Variants in ENPEP observed in about 807,000 individuals in gnomAD.
ENPEP encodes glutamyl aminopeptidase.
A neutral mutation model predicts 114.5 loss-of-function variants in ENPEP; 103 were observed. That is an observed-to-expected ratio of 0.90 (90% CI 0.77 to 1.06). The LOEUF is 1.06. ENPEP is among the 50% of genes least tolerant of loss of function. The pLI is 0.00. For missense variants in ENPEP, 1,196 were observed against 1,161.3 expected, an observed-to-expected ratio of 1.03 and a Z score of -0.43; for synonymous variants, 420 against 422.0, an observed-to-expected ratio of 1.00 and a Z score of 0.06.
rs921559869 is a variant in ENPEP at position 110,562,482 on chromosome 4, A to G, written c.*924A>G. The G allele has an allele frequency of 6.6e-6, 1 of 152,162 alleles. No individual in the cohort carries two copies. The highest frequency in any genetic ancestry group is 6.6e-5 in the Admixed American group (1 of 15,256). 9.4% of individuals were successfully genotyped at this position (152,162 alleles called of 1,614,324 possible). Reference sequence around the variant, plus strand: ...GAGAGAAGGCAGATTATTTCTTAAAACTAAATGGAATTAGAATTTAGCTTT... The same window carrying G: ...GAGAGAAGGCAGATTATTTCTTAAAGCTAAATGGAATTAGAATTTAGCTTT... On this transcript the variant is annotated 3_prime_UTR_variant, in exon 20 of 20. Transcript: ENST00000265162.
intron 8 of ENPEP, 103 bp downstream of exon 8, chr4:110,515,545 C>A: frequency 1.1e-6 from 1 of 952,190 alleles, no homozygotes; most frequent in Non-Finnish European, 1.6e-6. Flanking sequence ...CCTTTTTAAT[C>A]TCTTTACTGA....
intron 10 of ENPEP, 51 bp downstream of exon 10, chr4:110,520,417 TG>T: frequency 6.3e-7 from 1 of 1,577,252 alleles, no homozygotes. Flanking sequence ...GCAGAAATAT[TG>T]GTAATTTGTT....
intron 7 of ENPEP, 47 bp from the exon 8 acceptor site, chr4:110,515,330 T>G: frequency 2.7e-6 from 4 of 1,477,792 alleles, no homozygotes; most frequent in Non-Finnish European, 3.8e-6. Context: ...TCATTGTTCC[T>G]TACATAGCCT....
At chr4:110,489,754 C>T (rs757516284) in intron 2 of ENPEP, among the ~76,000 whole-genome samples, 21 of 152,086 alleles carry the variant, frequency 1.4e-4, no homozygotes, top group East Asian at 5.8e-4. Flanking sequence ...TTTACACATT[C>T]GACATGTAAA....
At chr4:110,477,638 G>T (rs777598195) in intron 1 of ENPEP, among the ~76,000 whole-genome samples, 5 of 151,990 alleles carry the variant, frequency 3.3e-5, no homozygotes, top group Non-Finnish European at 7.4e-5. Flanking sequence ...TTCTGTCTCC[G>T]ATGGCCAGGA....
In ENPEP at chr4:110,506,738, T is replaced by G. The variant is rs1201436475; in HGVS notation, c.1020T>G (p.Asn340Lys). Residue 340 changes from asparagine (N) to lysine (K), a missense_variant, in exon 4 of 20, where the codon AAT becomes AAG. Transcript: ENST00000265162. ...ATTTTGAAGAATACTTTGCTATGAA[T>G]TATTCTCTTCCTAAATTAGGTGAGG... ...FDYFEEYFAMNYSLPKLDKIA... is the reference protein window; with the variant it reads ...FDYFEEYFAMKYSLPKLDKIA... 2 of 1,589,064 alleles carry G rather than the reference T, an allele frequency of 1.3e-6. No individual in the cohort carries two copies. Among genetic ancestry groups the G allele is most frequent in the Admixed American group, 3.4e-5 (2 of 58,950 alleles).
At chr4:110,513,306 TAAGTC>T in intron 6 of ENPEP, 104 bp from the exon 7 acceptor site, 1 of 1,259,886 alleles carries the variant, frequency 7.9e-7, no homozygotes, top group Non-Finnish European at 1.1e-6. Flanking sequence ...TTAAGTAACT[TAAGTC>T]ATTTATATTT....
At chr4:110,488,934 A>G (rs1724602406) in intron 2 of ENPEP, among the ~76,000 whole-genome samples, 1 of 152,226 alleles carries the variant, frequency 6.6e-6, no homozygotes, top group South Asian at 2.1e-4. Context: ...CACACACATC[A>G]GCTTGGGCTC....
intron 10 of ENPEP, among the ~76,000 whole-genome samples, chr4:110,525,042 G>A (rs1256491850): frequency 2.6e-5 from 4 of 152,152 alleles, no homozygotes; most frequent in Non-Finnish European, 4.4e-5. Flanking sequence ...GTGAGCCATC[G>A]CAGATGACCT....
At chr4:110,537,057 C>A (rs1726661712) in intron 11 of ENPEP, among the ~76,000 whole-genome samples, 1 of 152,162 alleles carries the variant, frequency 6.6e-6, no homozygotes, top group East Asian at 1.9e-4. Flanking sequence ...TGCTAACAAT[C>A]ATCTAAGTCT....
intron 3 of ENPEP, among the ~76,000 whole-genome samples, chr4:110,491,468 C>A (rs1234129282): frequency 2.0e-5 from 3 of 151,868 alleles, no homozygotes; most frequent in Non-Finnish European, 4.4e-5. Context: ...TTTGGGTATG[C>A]CCAATGTAAT....
chr4:110,501,321 C>T (rs897195927), intron 3 of ENPEP, among the ~76,000 whole-genome samples: 3 of 151,962 alleles, frequency 2.0e-5, no homozygotes, highest in South Asian at 2.1e-4. Flanking sequence ...GGTATATGTA[C>T]GGGTTTGCTA....
At chr4:110,520,481 A>G (rs1452166583) in intron 10 of ENPEP, 115 bp downstream of exon 10, 1 of 1,119,600 alleles carries the variant, frequency 8.9e-7, no homozygotes, top group Non-Finnish European at 1.3e-6. Flanking sequence ...GTATAAAGCC[A>G]CAGTGCCTTT....
intron 13 of ENPEP, 148 bp downstream of exon 13, chr4:110,543,218 CT>C: frequency 1.3e-6 from 1 of 797,106 alleles, no homozygotes; most frequent in South Asian, 1.8e-5. Flanking sequence ...TTCCTTAACT[CT>C]CTTTTCAAAA....
intron 10 of ENPEP, among the ~76,000 whole-genome samples, chr4:110,522,751 T>C (rs1401219260): frequency 2.0e-5 from 3 of 152,180 alleles, no homozygotes; most frequent in Non-Finnish European, 4.4e-5. Flanking sequence ...CAAAAAATAT[T>C]TTCAGCCTCT....
intron 14 of ENPEP, 47 bp downstream of exon 14, chr4:110,548,373 T>A: frequency 7.0e-7 from 1 of 1,420,146 alleles, no homozygotes; most frequent in Non-Finnish European, 9.3e-7. Context: ...GTTTAGCCAT[T>A]AGTAGAATAG....
chr4:110,508,269 C>CAAAAAA (rs11451516), intron 4 of ENPEP, among the ~76,000 whole-genome samples: 1 of 109,344 alleles, frequency 9.1e-6, no homozygotes, highest in African/African-American at 3.2e-5. Context: ...CAGTACTGAC[C>CAAAAAA]AAAAAAAAAA....
rs144208861 is a variant in ENPEP, at chr4:110,502,609, T to C, written c.919-4028T>C. Among the ~76,000 whole-genome samples the C allele has an allele frequency of 2.3e-3, 346 of 152,338 alleles. 1 individual carries two copies. Among genetic ancestry groups the C allele is most frequent in the African/African-American group, 7.6e-3 (315 of 41,580 alleles). ...GGTGTATGGCATTATTTCTGGGCTCTCTATTCTGTGTCATTGGTCTGTGTG... is the reference window on the plus strand; with the variant it reads ...GGTGTATGGCATTATTTCTGGGCTCCCTATTCTGTGTCATTGGTCTGTGTG... On this transcript the variant is annotated intron_variant, in intron 3 of 19. Transcript: ENST00000265162.
intron 4 of ENPEP, among the ~76,000 whole-genome samples, chr4:110,508,102 C>T (rs1332362150): frequency 6.6e-6 from 1 of 151,986 alleles, no homozygotes; most frequent in East Asian, 1.9e-4. Context: ...CTCTCTTCTC[C>T]TCTCTTTCTT....
Sources: allele counts gnomAD v4.1 joint callset (sites outside exome capture counted in the v4.1 genomes callset), GRCh38; gene constraint gnomAD v4.1.1; transcripts MANE v1.5; gene names NCBI Gene and HGNC (gene_info 2026-07-23, HGNC 2026-07-21).